OTUD7A: variants seen among roughly 807,000 people sequenced by gnomAD.
The protein encoded by OTUD7A is OTU deubiquitinase 7A.
Under a neutral mutation model 65.7 loss-of-function variants are expected in OTUD7A, and 12 were observed. That is an observed-to-expected ratio of 0.18 (90% CI 0.12 to 0.30). The LOEUF (loss-of-function observed/expected upper bound fraction) is 0.30. Ranked by LOEUF, OTUD7A falls within the 10% of genes least tolerant of loss-of-function variation. The pLI is 1.00. For synonymous variants in OTUD7A, 641 were observed against 586.3 expected (o/e 1.09, Z -1.35); for missense variants, 1,148 against 1,304.8 (o/e 0.88, Z 1.85).
intron 6 of OTUD7A, among the ~76,000 whole-genome samples, chr15:31,529,895 G>A (rs539698358): frequency 7.9e-5 from 12 of 152,268 alleles, no homozygotes; most frequent in Admixed American, 2.6e-4. Context: ...CCTCCAGGGC[G>A]GGTAAGAACC....
chr15:31,805,633 C>T (rs1419979517), intron 1 of OTUD7A, among the ~76,000 whole-genome samples: 4 of 152,222 alleles, frequency 2.6e-5, no homozygotes. Context: ...GACCCACTGA[C>T]ATCACATTCA....
At chr15:31,802,844 C>T (rs541858328) in intron 1 of OTUD7A, among the ~76,000 whole-genome samples, 1 of 152,200 alleles carries the variant, frequency 6.6e-6, no homozygotes, top group South Asian at 2.1e-4. Flanking sequence ...AGGACTACTT[C>T]AGGTCAAATT....
intron 5 of OTUD7A, among the ~76,000 whole-genome samples, chr15:31,532,507 T>C (rs1887660028): frequency 6.7e-6 from 1 of 149,680 alleles, no homozygotes; most frequent in African/African-American, 2.5e-5. Context: ...AATCACCCAA[T>C]TTGAACAACA....
chr15:31,749,406 G>C (rs1894566954), intron 1 of OTUD7A, among the ~76,000 whole-genome samples: 1 of 152,184 alleles, frequency 6.6e-6, no homozygotes, highest in Non-Finnish European at 1.5e-5. Context: ...TATTCAGTGT[G>C]TGAATTTGAG....
chr15:31,503,846 CACTG>C, intron 8 of OTUD7A, 28 bp from the exon 9 acceptor site: 1 of 1,613,496 alleles, frequency 6.2e-7, no homozygotes, highest in South Asian at 1.1e-5. Flanking sequence ...GCCAGCTGGT[CACTG>C]ACTAAAACAG....
chr15:31,686,875 G>C (rs1316644842), intron 1 of OTUD7A, among the ~76,000 whole-genome samples: 2 of 152,138 alleles, frequency 1.3e-5, no homozygotes, highest in Non-Finnish European at 2.9e-5. Flanking sequence ...AGAGTTGTGG[G>C]GAAGAAAATG....
At chr15:31,819,278 A>G (rs1896622529) in intron 1 of OTUD7A, among the ~76,000 whole-genome samples, 1 of 152,220 alleles carries the variant, frequency 6.6e-6, no homozygotes, top group Non-Finnish European at 1.5e-5. Flanking sequence ...GGGGAAAAGT[A>G]TAACCTAAAA....
intron 3 of OTUD7A, among the ~76,000 whole-genome samples, chr15:31,583,020 TTGAG>T (rs1889419008): frequency 6.6e-6 from 1 of 151,918 alleles, no homozygotes. Flanking sequence ...TGAAGGATTG[TTGAG>T]TGAGAAAAGC....
At chr15:31,787,572 C>A (rs1895707218) in intron 1 of OTUD7A, 1 of 152,128 alleles carries the variant, frequency 6.6e-6, no homozygotes, top group Non-Finnish European at 1.5e-5. Flanking sequence ...CTTCAGTGCA[C>A]ATCAACAACT....
Position 31,709,052 on chromosome 15 carries a change from A to C in OTUD7A, c.-99-51975T>G, listed in dbSNP as rs552282089. Reference sequence around the variant, plus strand: ...TCCGAGCGGAATGCCACAGCATACAAGGTAATGCAAAAGACCTGCAGGACA... The same window carrying C: ...TCCGAGCGGAATGCCACAGCATACACGGTAATGCAAAAGACCTGCAGGACA... On this transcript the variant is annotated intron_variant, in intron 1 of 12. Transcript: ENST00000307050. 9.7e-4 allele frequency among the ~76,000 whole-genome samples: 147 copies of C among 151,552 alleles called. 2 individuals are homozygous for C. Among genetic ancestry groups the C allele is most frequent in the South Asian group, 2.7e-3 (13 of 4,822 alleles).
intron 1 of OTUD7A, among the ~76,000 whole-genome samples, chr15:31,851,945 G>T (rs553569177): frequency 6.6e-6 from 1 of 152,158 alleles, no homozygotes; most frequent in Middle Eastern, 3.2e-3. Context: ...TGCAACCTCC[G>T]CCTCCTAGGT....
At chr15:31,846,632 C>A (rs796671904) in intron 1 of OTUD7A, among the ~76,000 whole-genome samples, 1 of 152,184 alleles carries the variant, frequency 6.6e-6, no homozygotes, top group Admixed American at 6.5e-5. Flanking sequence ...CCGGTGAGCC[C>A]CCATCAATAT....
At chr15:31,565,066 A>G (rs1277369724) in intron 4 of OTUD7A, among the ~76,000 whole-genome samples, 2 of 152,220 alleles carry the variant, frequency 1.3e-5, no homozygotes, top group Non-Finnish European at 2.9e-5. Context: ...GATGAAACTC[A>G]GAGAAGACAC....
At chr15:31,602,585 T>A in intron 3 of OTUD7A, among the ~76,000 whole-genome samples, 1 of 152,094 alleles carries the variant, frequency 6.6e-6, no homozygotes, top group East Asian at 1.9e-4. Context: ...TTCAACATAG[T>A]ATTGGAAGTT....
At chr15:31,816,287 A>G (rs903035573) in intron 1 of OTUD7A, among the ~76,000 whole-genome samples, 2 of 152,228 alleles carry the variant, frequency 1.3e-5, no homozygotes, top group Admixed American at 6.5e-5. Flanking sequence ...GAGATATTTG[A>G]TTCCTTCTTC....
intron 1 of OTUD7A, among the ~76,000 whole-genome samples, chr15:31,660,300 C>G (rs566761624): frequency 6.6e-6 from 1 of 152,328 alleles, no homozygotes; most frequent in East Asian, 1.9e-4. Flanking sequence ...TGTCAACATT[C>G]CAAGAGCCTG....
intron 5 of OTUD7A, among the ~76,000 whole-genome samples, chr15:31,547,039 GA>G (rs1888152670): frequency 8.7e-6 from 1 of 115,080 alleles, no homozygotes; most frequent in Non-Finnish European, 2.1e-5. Flanking sequence ...TTTCAATAAG[GA>G]ATTAAAACAA....
intron 5 of OTUD7A, among the ~76,000 whole-genome samples, chr15:31,553,214 C>A (rs1056186474): frequency 1.3e-5 from 2 of 152,168 alleles, no homozygotes; most frequent in Non-Finnish European, 2.9e-5. Context: ...ACCGCTGGTT[C>A]GCCCTGATTC....
chr15:31,700,554 C>CCTCTAT lies in OTUD7A; in HGVS notation c.-99-43483_-99-43478dup, dbSNP rs200432288. Among the ~76,000 whole-genome samples the CCTCTAT allele has an allele frequency of 3.3e-5, 5 of 152,368 alleles. No homozygotes were observed. In the East Asian group the frequency reaches 9.7e-4, roughly 29 times the overall value. On this transcript the variant is annotated intron_variant, in intron 1 of 12. Transcript: ENST00000307050. ...CTCTGTGAATCAGTCTTTCTCTTTT[C>CCTCTAT]CTCTATCTCTTTCTCTGTATCTCTC...
Sources: allele counts gnomAD v4.1 joint callset (sites outside exome capture counted in the v4.1 genomes callset), GRCh38; gene constraint gnomAD v4.1.1; transcripts MANE v1.5; gene names NCBI Gene and HGNC (gene_info 2026-07-23, HGNC 2026-07-21).